OVOL2: variants seen among roughly 807,000 people sequenced by gnomAD.
OVOL2 encodes the protein ovo like zinc finger 2.
OVOL2 carries 13 observed loss-of-function variants against 18.1 expected under a neutral mutation model. The ratio of observed to expected loss-of-function variants is 0.72; its 90% CI spans 0.47 to 1.14. The LOEUF (loss-of-function observed/expected upper bound fraction) is 1.14. Ranked by LOEUF, OVOL2 falls within the 50% of genes most tolerant of loss-of-function variation. OVOL2 has a pLI of 0.00. For synonymous variants in OVOL2, 166 were observed against 162.7 expected (o/e 1.02, Z -0.16); for missense variants, 335 against 383.0 (o/e 0.87, Z 1.05).
chr20:18,035,637 C>T (rs562332080), intron 3 of OVOL2, among the ~76,000 whole-genome samples: 91 of 152,318 alleles, frequency 6.0e-4, no homozygotes, highest in African/African-American at 2.2e-3. Context: ...GCTCGGCAAG[C>T]CTGTTCCTCT....
intron 3 of OVOL2, among the ~76,000 whole-genome samples, chr20:18,035,769 C>T (rs1438719170): frequency 1.3e-5 from 2 of 152,130 alleles, no homozygotes; most frequent in African/African-American, 4.8e-5. Flanking sequence ...TAAAACATTT[C>T]CATAGTTCCA....
At chr20:18,029,498 G>A (rs150823903) in intron 3 of OVOL2, among the ~76,000 whole-genome samples, 47 of 152,268 alleles carry the variant, frequency 3.1e-4, no homozygotes, top group African/African-American at 7.2e-4. Flanking sequence ...ACATGTTTCC[G>A]AAACATAAAC....
Position 18,056,506 on chromosome 20 carries a change from C to T in OVOL2, c.321+151G>A. On this transcript the variant is annotated intron_variant, in intron 2 of 3. Transcript: ENST00000278780. The surrounding 1 kb of genome is among the most constrained non-coding windows in gnomAD (Gnocchi z 4.2). Reference sequence around the variant, plus strand: ...CGCGCCGAGGCGCCCTGGCCGCCGCCCAGGGGCAGGTGCAGGAGCGGCGCG... The same window carrying T: ...CGCGCCGAGGCGCCCTGGCCGCCGCTCAGGGGCAGGTGCAGGAGCGGCGCG... 1.0e-6 allele frequency: 1 copy of T among 990,940 alleles called. No homozygotes were observed. The highest frequency in any genetic ancestry group is 6.0e-5 in the Admixed American group (1 of 16,698). The allele number at this position is 990,940 out of a possible 1,614,324, so 61.4% of individuals were successfully genotyped here. A position where few individuals can be genotyped will look rare whatever the true frequency, so the allele number is the denominator to read the frequency against.
In OVOL2 at chr20:18,024,519, A is replaced by G. The variant is rs570574227; in HGVS notation, c.*117T>C. The G allele has an allele frequency of 4.8e-6, 7 of 1,447,260 alleles. No homozygotes were observed. In the East Asian group the frequency reaches 1.7e-4, roughly 36 times the overall value. 89.7% of individuals were successfully genotyped at this position (1,447,260 alleles called of 1,614,324 possible). A position where few individuals can be genotyped will look rare whatever the true frequency, so the allele number is the denominator to read the frequency against. ...TACTGCTGATGTTTCAAAAGGACAC[A>G]GAGGTGAACTGGTCACTTCTAATTA... On this transcript the variant is annotated 3_prime_UTR_variant, in exon 4 of 4. Transcript: ENST00000278780.
intron 2 of OVOL2, among the ~76,000 whole-genome samples, chr20:18,048,391 AC>A (rs1433822061): frequency 5.3e-5 from 8 of 152,184 alleles, no homozygotes; most frequent in African/African-American, 1.9e-4. Flanking sequence ...AAAGGGAGCC[AC>A]TAGCTCCCAG....
chr20:18,058,181 G>T (rs968551353), upstream of OVOL2, among the ~76,000 whole-genome samples: 1 of 152,000 alleles, frequency 6.6e-6, no homozygotes, highest in African/African-American at 2.4e-5. Context: ...CACCCCTCCG[G>T]TGAGTTGGGG....
rs552833700 is a variant in OVOL2, at chr20:18,026,537, A to G, written c.512-1585T>C. Among the ~76,000 whole-genome samples, 9 of 151,972 alleles carry G rather than the reference A, an allele frequency of 5.9e-5. No homozygotes were observed. The East Asian group carries it at 1.7e-3, about 29-fold the overall frequency. On this transcript the variant is annotated intron_variant, in intron 3 of 3. Transcript: ENST00000278780. ...CCTGGAACTACAGGCACCCGCCACC[A>G]CGCCCAGCTAATTTTTTGTATCTTT...
At chr20:18,035,411 G>A (rs886761317) in intron 3 of OVOL2, among the ~76,000 whole-genome samples, 2 of 152,112 alleles carry the variant, frequency 1.3e-5, no homozygotes, top group Admixed American at 6.6e-5. Context: ...GAGCCAAGAC[G>A]GGAGCCACTG....
At chr20:18,046,791 G>C (rs911845105) in intron 2 of OVOL2, among the ~76,000 whole-genome samples, 1 of 152,088 alleles carries the variant, frequency 6.6e-6, no homozygotes, top group Non-Finnish European at 1.5e-5. Context: ...GTTTACATAG[G>C]TTTACACCTA....
At chr20:18,039,025 G>C (rs2036645343) in intron 3 of OVOL2, among the ~76,000 whole-genome samples, 2 of 152,138 alleles carry the variant, frequency 1.3e-5, no homozygotes, top group African/African-American at 4.8e-5. Flanking sequence ...ACTGGTGCTA[G>C]GAAAAGCAGC....
intron 2 of OVOL2, among the ~76,000 whole-genome samples, chr20:18,046,878 A>G (rs931342038): frequency 2.0e-5 from 3 of 152,148 alleles, no homozygotes; most frequent in Non-Finnish European, 2.9e-5. Context: ...ACTAAACTTA[A>G]TTACATCTTA....
At chr20:18,036,736 G>C (rs1394548485) in intron 3 of OVOL2, among the ~76,000 whole-genome samples, 8 of 151,948 alleles carry the variant, frequency 5.3e-5, no homozygotes, top group African/African-American at 1.5e-4. Context: ...ACGCTCACAG[G>C]CTCCTCTACA....
chr20:18,039,747 C>A (rs1179204042), intron 3 of OVOL2, among the ~76,000 whole-genome samples: 1 of 152,052 alleles, frequency 6.6e-6, no homozygotes, highest in Non-Finnish European at 1.5e-5. Context: ...AGCTCACGGC[C>A]AGTCCTCTAA....
intron 3 of OVOL2, among the ~76,000 whole-genome samples, chr20:18,032,118 A>C (rs1292305251): frequency 6.6e-6 from 1 of 152,154 alleles, no homozygotes; most frequent in Non-Finnish European, 1.5e-5. Context: ...CATCAGGGAA[A>C]TTATCCTACA....
chr20:18,030,655 T>C (rs750387624), intron 3 of OVOL2, among the ~76,000 whole-genome samples: 1 of 149,974 alleles, frequency 6.7e-6, no homozygotes, highest in Non-Finnish European at 1.5e-5. Context: ...AGAGAGATGA[T>C]GGCAGTGGGG....
At chr20:18,026,661 G>T (rs1054436971) in intron 3 of OVOL2, among the ~76,000 whole-genome samples, 3 of 152,182 alleles carry the variant, frequency 2.0e-5, no homozygotes, top group African/African-American at 4.8e-5. Flanking sequence ...GATTACAGGC[G>T]TGAGCCACCG....
At chr20:18,052,166 G>A (rs1325353638) in intron 2 of OVOL2, among the ~76,000 whole-genome samples, 1 of 152,178 alleles carries the variant, frequency 6.6e-6, no homozygotes, top group African/African-American at 2.4e-5. Flanking sequence ...ACATGGTGAT[G>A]CGCTCAGCAA....
At chr20:18,058,129 A>G (rs2122734573), upstream of OVOL2, among the ~76,000 whole-genome samples, 1 of 152,238 alleles carries the variant, frequency 6.6e-6, no homozygotes, top group Non-Finnish European at 1.5e-5. Context: ...CTGCACCTCG[A>G]GGCGAGCTCT....
rs866264324 is a variant in OVOL2, at chr20:18,033,663, G to A, written c.511+7871C>T. ...TCGGGCACTTCCGAAGCAATAGTCT[G>A]CATTTCCTGCATGCTCGCTCCTGGG... On this transcript the variant is annotated intron_variant, in intron 3 of 3. Transcript: ENST00000278780. Among the ~76,000 whole-genome samples the A allele has an allele frequency of 2.6e-4, 40 of 152,334 alleles. No individual in the cohort carries two copies. The South Asian group carries it at 4.3e-3, about 17-fold the overall frequency.
Sources: gnomAD v4.1 joint callset for allele counts (sites outside exome capture counted in the v4.1 genomes callset) on GRCh38, gnomAD v4.1.1 for gene constraint, Gnocchi (gnomAD v3.1) non-coding constraint, MANE v1.5 for transcripts, NCBI Gene and HGNC (gene_info 2026-07-23, HGNC 2026-07-21) for gene names.